RPS6KL1: variants seen among roughly 807,000 people sequenced by gnomAD.
RPS6KL1 encodes ribosomal protein S6 kinase like 1.
RPS6KL1 carries 41 observed loss-of-function variants against 57.0 expected under a neutral mutation model. That is an observed-to-expected ratio of 0.72 (90% CI 0.56 to 0.93). The LOEUF (loss-of-function observed/expected upper bound fraction) is 0.93. Among genes scored for constraint, RPS6KL1 ranks in the 40% least tolerant of loss-of-function variants. The pLI, the probability that RPS6KL1 is intolerant of heterozygous loss-of-function variation, is 0.00. For synonymous variants in RPS6KL1, 287 were observed against 309.7 expected (o/e 0.93, Z 0.77); for missense variants, 697 against 727.7 (o/e 0.96, Z 0.49).
chr14:74,920,028 A>C lies in RPS6KL1; in HGVS notation c.266-59T>G, dbSNP rs567794409. ...CATGGCCTCGGAGGGCTGGAGTTCC[A>C]GCTCCCATTGCCTGCCCTCTACCCT... On this transcript the variant is annotated intron_variant, in intron 3 of 11. Transcript: ENST00000557413. 2.3e-4 allele frequency: 364 copies of C among 1,606,424 alleles called. 4 individuals are homozygous for C. The African/African-American group carries it at 4.1e-3, about 18-fold the overall frequency.
At chr14:74,907,219 G>C in intron 11 of RPS6KL1, 95 bp from the exon 12 acceptor site, 1 of 1,360,400 alleles carries the variant, frequency 7.4e-7, no homozygotes, top group Non-Finnish European at 1.0e-6. Flanking sequence ...TAGGGGGCCT[G>C]CTCCCTGGCA....
chr14:74,912,943 G>A (rs373415454), intron 5 of RPS6KL1, among the ~76,000 whole-genome samples: 74 of 152,346 alleles, frequency 4.9e-4, no homozygotes, highest in African/African-American at 1.5e-3. Context: ...TGGGTACGTC[G>A]AGGGCGGGAA....
chr14:74,913,757 G>C (rs1886403595), intron 5 of RPS6KL1, among the ~76,000 whole-genome samples: 1 of 152,210 alleles, frequency 6.6e-6, no homozygotes, highest in African/African-American at 2.4e-5. Context: ...AATTCAGGCA[G>C]AGCAGCAGCC....
chr14:74,921,543 G>A lies in RPS6KL1; in HGVS notation c.-2C>T, dbSNP rs757566182. On this transcript the variant is annotated 5_prime_UTR_variant, in exon 3 of 12. Coordinates refer to ENST00000557413, the MANE Select transcript of RPS6KL1 (RefSeq NM_031464.5). The stretch of plus-strand genomic sequence containing the variant: ...GCACTCACAGGCCACCAGGCTCATG[G>A]CTGCCCTGCAGCTGGGACCTGGAAT... The A allele has an allele frequency of 1.9e-6, 3 of 1,613,176 alleles. No individual in the cohort carries two copies. In the South Asian group the frequency reaches 3.3e-5, roughly 18 times the overall value.
rs943069206 is a variant in RPS6KL1, at chr14:74,906,094, A to C, written c.*920T>G. ...GCGTTTTGTGGTTTCTTATCCCAAA[A>C]GGGCATGAAGTCACAGTAGGCAGTG... On this transcript the variant is annotated 3_prime_UTR_variant, in exon 12 of 12. Transcript: ENST00000557413. The C allele has an allele frequency of 5.0e-5, 9 of 180,676 alleles. No individual in the cohort carries two copies. The highest frequency in any genetic ancestry group is 2.1e-4 in the African/African-American group (9 of 42,770). The allele number at this position is 180,676 out of a possible 1,614,324, so 11.2% of individuals were successfully genotyped here. A position where few individuals can be genotyped will look rare whatever the true frequency, so the allele number is the denominator to read the frequency against.
rs1887844049 is a variant in RPS6KL1 at position 74,921,513 on chromosome 14, G to T, written c.29C>A (p.Pro10His). MSLVACECLPSPGLEPEPCS... is the reference protein window; with the variant it reads MSLVACECLHSPGLEPEPCS... ...AGGCTCAGGCTCCAGGCCGGGGCTGGGCAGGCACTCACAGGCCACCAGGCT... is the reference window on the plus strand; with the variant it reads ...AGGCTCAGGCTCCAGGCCGGGGCTGTGCAGGCACTCACAGGCCACCAGGCT... The change falls in exon 3 of 12, where the codon CCC (proline) becomes CAC (histidine). Residue 10 changes from proline to histidine, a missense_variant. Physicochemically the swap from Pro to His is moderately conservative, Grantham distance 77. Coordinates refer to ENST00000557413, the MANE Select transcript of RPS6KL1 (RefSeq NM_031464.5). The T allele has an allele frequency of 6.2e-7, 1 of 1,613,898 alleles. No homozygotes were observed. Among genetic ancestry groups the T allele is most frequent in the Non-Finnish European group, 8.5e-7 (1 of 1,179,932 alleles).
At chr14:74,907,609 T>C (rs545721784) in intron 10 of RPS6KL1, 79 bp from the exon 11 acceptor site, 26 of 1,364,862 alleles carry the variant, frequency 1.9e-5, no homozygotes, top group East Asian at 7.6e-5. Context: ...GGATTTTTTT[T>C]CCCCATGTCA....
chr14:74,911,569 G>A (rs1885982808), intron 6 of RPS6KL1, 189 bp from the exon 7 acceptor site: 1 of 701,116 alleles, frequency 1.4e-6, no homozygotes, highest in Non-Finnish European at 2.4e-6. Flanking sequence ...CCAAAGAGGG[G>A]GCAGTGTGTG....
chr14:74,920,390 A>T (rs1887633584), intron 3 of RPS6KL1, among the ~76,000 whole-genome samples: 1 of 152,116 alleles, frequency 6.6e-6, no homozygotes, highest in Admixed American at 6.5e-5. Flanking sequence ...GGATCGGGGG[A>T]TAAAGGAATT....
At position 74,906,537 on chromosome 14, in the gene RPS6KL1, T is replaced by A; in HGVS notation, c.*477A>T. On this transcript the variant is annotated 3_prime_UTR_variant, in exon 12 of 12. Coordinates refer to ENST00000557413, the MANE Select transcript of RPS6KL1 (RefSeq NM_031464.5). ...TGGTGGAAGAGGCCTACTCGCTGTG[T>A]GACTAAGAGGACTAGCCAGGACAGT... 1.9e-6 allele frequency: 1 copy of A among 520,526 alleles called. No homozygotes were observed. The highest frequency in any genetic ancestry group is 5.5e-5 in the East Asian group (1 of 18,046). The allele number at this position is 520,526 out of a possible 1,614,324, so 32.2% of individuals were successfully genotyped here.
chr14:74,921,994 G>C lies in RPS6KL1; in HGVS notation c.-37C>G. The stretch of plus-strand genomic sequence containing the variant: ...GGGTTTTACCATGTTGGCCAGGCTG[G>C]TCTTGAACTCCTGACCTCAAGTGAT... On this transcript the variant is annotated 5_prime_UTR_variant, in exon 2 of 12. Transcript: ENST00000557413. 4.2e-6 allele frequency: 1 copy of C among 237,456 alleles called. No homozygotes were observed. Among genetic ancestry groups the C allele is most frequent in the Non-Finnish European group, 7.6e-6 (1 of 132,412 alleles). The allele number at this position is 237,456 out of a possible 1,614,324, so 14.7% of individuals were successfully genotyped here.
chr14:74,904,233 A>G lies in RPS6KL1; in HGVS notation c.*2781T>C, dbSNP rs1398286880. 1 of 152,242 alleles carries G rather than the reference A, an allele frequency of 6.6e-6. No individual in the cohort carries two copies. Among genetic ancestry groups the G allele is most frequent in the Admixed American group, 6.5e-5 (1 of 15,286 alleles). 9.4% of individuals were successfully genotyped at this position (152,242 alleles called of 1,614,324 possible). A position where few individuals can be genotyped will look rare whatever the true frequency, so the allele number is the denominator to read the frequency against. ...CAATTGGTTGAAAGAGTTATTATCT[A>G]AAGACCTGGAATCAATAGAAAGGAA... On this transcript the variant is annotated 3_prime_UTR_variant, in exon 12 of 12. Coordinates refer to ENST00000557413, the MANE Select transcript of RPS6KL1 (RefSeq NM_031464.5).
chr14:74,907,396 G>A (rs1428353479), intron 11 of RPS6KL1, 39 bp downstream of exon 11: 1 of 1,546,356 alleles, frequency 6.5e-7, no homozygotes, highest in Non-Finnish European at 8.7e-7. Context: ...ACCTTCCTCA[G>A]GCTAGGCAGC....
Position 74,906,789 on chromosome 14 carries a change from C to G in RPS6KL1, c.*225G>C. 1.4e-6 allele frequency: 1 copy of G among 690,234 alleles called. No individual in the cohort carries two copies. The highest frequency in any genetic ancestry group is 1.5e-5 in the South Asian group (1 of 68,122). 42.8% of individuals were successfully genotyped at this position (690,234 alleles called of 1,614,324 possible). On this transcript the variant is annotated 3_prime_UTR_variant, in exon 12 of 12. Transcript: ENST00000557413. ...TGGGTAGATGGTTCAAGCTGCTTAG[C>G]AGGGCAAGCCTTGACTGCCCCCACC...
Position 74,906,648 on chromosome 14 carries a change from G to A in RPS6KL1, c.*366C>T, listed in dbSNP as rs111337797. ...TGAGTGGGGCACAACATGGCAGTGA[G>A]TGAGTCACAGAACCTCACAGTAGGG... On this transcript the variant is annotated 3_prime_UTR_variant, in exon 12 of 12. Coordinates refer to ENST00000557413, the MANE Select transcript of RPS6KL1 (RefSeq NM_031464.5). 1.9e-5 allele frequency: 10 copies of A among 534,296 alleles called. No individual in the cohort carries two copies. Among genetic ancestry groups the A allele is most frequent in the African/African-American group, 1.7e-4 (9 of 52,458 alleles). The allele number at this position is 534,296 out of a possible 1,614,324, so 33.1% of individuals were successfully genotyped here.
At position 74,918,505 on chromosome 14, in the gene RPS6KL1, T is replaced by C; in HGVS notation, c.483+8A>G. The C allele has an allele frequency of 6.6e-7, 1 of 1,516,498 alleles. No individual in the cohort carries two copies. Among genetic ancestry groups the C allele is most frequent in the African/African-American group, 1.4e-5 (1 of 72,694 alleles). 93.9% of individuals were successfully genotyped at this position (1,516,498 alleles called of 1,614,324 possible). A position where few individuals can be genotyped will look rare whatever the true frequency, so the allele number is the denominator to read the frequency against. ...TCCCTCCTGCAAGGCGAGTGTCCAC[T>C]CACTCACCTTCTCGATGACCCCGAC... On this transcript the variant is annotated splice_region_variant and intron_variant, in intron 5 of 11. Transcript: ENST00000557413.
At chr14:74,917,690 C>T (rs991277471) in intron 5 of RPS6KL1, among the ~76,000 whole-genome samples, 1 of 152,024 alleles carries the variant, frequency 6.6e-6, no homozygotes, top group African/African-American at 2.4e-5. Flanking sequence ...TTCTTGTCTG[C>T]CCTGAATAAG....
chr14:74,908,952 G>A lies in RPS6KL1; in HGVS notation c.1361-20C>T, dbSNP rs753100238. On this transcript the variant is annotated intron_variant, in intron 9 of 11. Coordinates refer to ENST00000557413, the MANE Select transcript of RPS6KL1 (RefSeq NM_031464.5). ...CCACCTCTGTGGGAACAAGAACACAGGTGTCCCAGCCTCACCTAAGAGGGC... is the reference window on the plus strand; with the variant it reads ...CCACCTCTGTGGGAACAAGAACACAAGTGTCCCAGCCTCACCTAAGAGGGC... 1.2e-6 allele frequency: 2 copies of A among 1,609,356 alleles called. No homozygotes were observed. Among genetic ancestry groups the A allele is most frequent in the Admixed American group, 3.3e-5 (2 of 59,886 alleles).
chr14:74,911,692 AG>A, intron 6 of RPS6KL1, 101 bp downstream of exon 6: 1 of 1,098,952 alleles, frequency 9.1e-7, no homozygotes, highest in Non-Finnish European at 1.3e-6. Context: ...CTTTTGTGGG[AG>A]GGAGTGCAGG....
Sources: gnomAD v4.1 joint callset for allele counts (sites outside exome capture counted in the v4.1 genomes callset) on GRCh38, gnomAD v4.1.1 for gene constraint, MANE v1.5 for transcripts, NCBI Gene and HGNC (gene_info 2026-07-23, HGNC 2026-07-21) for gene names.